The following ALKBH1 variants were observed in gnomAD, a reference collection of about 807,000 sequenced individuals.
ALKBH1 encodes nucleic acid dioxygenase ALKBH1.
A neutral mutation model predicts 36.6 loss-of-function variants in ALKBH1; 31 were observed. The ratio of observed to expected loss-of-function variants is 0.85; its 90% CI spans 0.64 to 1.14. The LOEUF (loss-of-function observed/expected upper bound fraction) is 1.14, where lower values mean the gene tolerates loss of function less well. Among genes scored for constraint, ALKBH1 ranks in the 50% most tolerant of loss-of-function variants. The pLI is 0.00. For synonymous variants in ALKBH1, 183 were observed against 186.6 expected, an observed-to-expected ratio of 0.98 and a Z score of 0.16; for missense variants, 490 against 497.3, an observed-to-expected ratio of 0.99 and a Z score of 0.14.
At chr14:77,689,841 T>C (rs914509757) in intron 3 of ALKBH1, among the ~76,000 whole-genome samples, 1 of 147,774 alleles carries the variant, frequency 6.8e-6, no homozygotes, top group African/African-American at 2.6e-5. Flanking sequence ...TATGTTGCAC[T>C]TAATTAAAAA....
chr14:77,694,634 A>C lies in ALKBH1; in HGVS notation c.455+104T>G, dbSNP rs199878382. The C allele has an allele frequency of 8.1e-5, 79 of 975,830 alleles. No homozygotes were observed. The African/African-American group carries it at 1.1e-3, about 14-fold the overall frequency. The allele number at this position is 975,830 out of a possible 1,614,324, so 60.4% of individuals were successfully genotyped here. A position where few individuals can be genotyped will look rare whatever the true frequency, so the allele number is the denominator to read the frequency against. On this transcript the variant is annotated intron_variant, in intron 3 of 5. Transcript: ENST00000216489. ...TTGGAAACAATGAAGGGAAAAAAAA[A>C]CCCAGCCAGTCACTTTTACTGCATT...
Position 77,707,873 on chromosome 14 carries a change from G to A in ALKBH1, c.132C>T (p.Ile44=). 6.2e-7 allele frequency: 1 copy of A among 1,613,228 alleles called. No homozygotes were observed. Among genetic ancestry groups the A allele is most frequent in the East Asian group, 2.2e-5 (1 of 44,872 alleles). ...GGGCTGCGTGGGCCGCCGAGAAGTC[G>A]ATGACCCCTTCCAGGTCTGCGGTCC... ...RPGTADLEGV[I]DFSAAHAARG... The change falls in exon 1 of 6, where the codon ATC becomes ATT. Residue 44 remains isoleucine, a synonymous_variant. Coordinates refer to ENST00000216489, the MANE Select transcript of ALKBH1 (RefSeq NM_006020.3).
chr14:77,704,039 C>A (rs766405480), intron 2 of ALKBH1, among the ~76,000 whole-genome samples: 3 of 152,170 alleles, frequency 2.0e-5, no homozygotes, highest in Non-Finnish European at 2.9e-5. Flanking sequence ...ACATTTATTA[C>A]AATGATAATG....
At chr14:77,684,661 C>T (rs908373158) in intron 3 of ALKBH1, among the ~76,000 whole-genome samples, 1 of 152,208 alleles carries the variant, frequency 6.6e-6, no homozygotes, top group African/African-American at 2.4e-5. Flanking sequence ...ATCCTCCCCA[C>T]CTCAGCCTCT....
intron 3 of ALKBH1, chr14:77,683,932 TA>T: frequency 6.5e-6 from 1 of 153,616 alleles, no homozygotes; most frequent in South Asian, 1.9e-4. Context: ...CTCCGTTTTC[TA>T]AAAGGCCTAG....
intron 3 of ALKBH1, among the ~76,000 whole-genome samples, 160 bp downstream of exon 3, chr14:77,694,578 T>C (rs1219782208): frequency 6.6e-6 from 1 of 152,142 alleles, no homozygotes; most frequent in African/African-American, 2.4e-5. Flanking sequence ...CAAATGTTCC[T>C]GGGGAAAGAA....
At chr14:77,675,151 G>A (rs61992912) in intron 5 of ALKBH1, among the ~76,000 whole-genome samples, 2 of 151,974 alleles carry the variant, frequency 1.3e-5, no homozygotes, top group Admixed American at 6.5e-5. Flanking sequence ...GGTAGGTTAC[G>A]GCCAGGTGCA....
rs867606267 is a variant in ALKBH1 at position 77,678,087 on chromosome 14, C to A, written c.546+1793G>T. Among the ~76,000 whole-genome samples, 365 of 55,106 alleles carry A rather than the reference C, an allele frequency of 6.6e-3. 7 individuals carry two copies. The highest frequency in any genetic ancestry group is 0.015 in the Middle Eastern group (1 of 66). The allele number at this position is 55,106 out of a possible 152,430, so 36.2% of individuals were successfully genotyped here. On this transcript the variant is annotated intron_variant, in intron 4 of 5. Coordinates refer to ENST00000216489, the MANE Select transcript of ALKBH1 (RefSeq NM_006020.3). ...ATATCAACAGTAAAAATATTATCACCAAAAAAAAAAAAAAAAAAAAAAGCT... is the reference window on the plus strand; with the variant it reads ...ATATCAACAGTAAAAATATTATCACAAAAAAAAAAAAAAAAAAAAAAAGCT...
chr14:77,680,981 C>T (rs907799867), intron 3 of ALKBH1, among the ~76,000 whole-genome samples: 2 of 152,144 alleles, frequency 1.3e-5, no homozygotes, highest in East Asian at 1.9e-4. Flanking sequence ...TGGCCCACTA[C>T]TCTTTTTCTA....
intron 2 of ALKBH1, chr14:77,696,850 T>C (rs2080330124): frequency 6.6e-6 from 1 of 152,606 alleles, no homozygotes. Context: ...CAGATAGAAA[T>C]GGTACTAAGA....
At chr14:77,677,045 C>CT (rs139045024) in intron 4 of ALKBH1, among the ~76,000 whole-genome samples, 12,386 of 146,734 alleles carry the variant, frequency 0.084, 556 homozygotes, top group Middle Eastern at 0.11. Context: ...CCATAATACT[C>CT]TTTTTTTTTT....
intron 2 of ALKBH1, among the ~76,000 whole-genome samples, chr14:77,703,593 CTTTT>C (rs200488919): frequency 8.9e-6 from 1 of 112,896 alleles, no homozygotes; most frequent in East Asian, 2.8e-4. Context: ...CTGCGTCCAG[CTTTT>C]TTTTTTTTTT....
intron 1 of ALKBH1, among the ~76,000 whole-genome samples, chr14:77,707,027 G>A (rs921631257): frequency 6.6e-6 from 1 of 152,156 alleles, no homozygotes. Context: ...TTGGTTCCCC[G>A]TTTTCCCTCT....
intron 2 of ALKBH1, among the ~76,000 whole-genome samples, chr14:77,702,251 A>C (rs2080363425): frequency 6.6e-6 from 1 of 152,310 alleles, no homozygotes; most frequent in South Asian, 2.1e-4. Context: ...CAGTGAGCGG[A>C]GATCACACCA....
chr14:77,704,303 T>C, intron 2 of ALKBH1, 66 bp downstream of exon 2: 1 of 1,170,676 alleles, frequency 8.5e-7, no homozygotes, highest in East Asian at 2.3e-5. Context: ...CACAGTACCT[T>C]CTTTGAAGAC....
chr14:77,690,785 T>A (rs1294243316), intron 3 of ALKBH1, among the ~76,000 whole-genome samples: 1 of 152,102 alleles, frequency 6.6e-6, no homozygotes, highest in African/African-American at 2.4e-5. Flanking sequence ...AATGTCACAA[T>A]GAAGATGTTT....
intron 3 of ALKBH1, among the ~76,000 whole-genome samples, chr14:77,688,387 C>T (rs1272261961): frequency 6.6e-6 from 1 of 151,886 alleles, no homozygotes; most frequent in East Asian, 1.9e-4. Flanking sequence ...TCCTGAGTAG[C>T]TAGGACTAGA....
chr14:77,675,695 C>T lies in ALKBH1; in HGVS notation c.701G>A (p.Arg234Lys), dbSNP rs755644168. 1.9e-6 allele frequency: 3 copies of T among 1,614,136 alleles called. No individual in the cohort carries two copies. Among genetic ancestry groups the T allele is most frequent in the African/African-American group, 2.7e-5 (2 of 75,038 alleles). ...LDSTLGIHVD[R>K]SELDHSKPLL... ...GGGTTTGGAGTGATCTAGCTCAGAT[C>T]TGTCTACGTGGATTCCCAGTGTGGA... Residue 234 changes from arginine (R) to lysine (K), a missense_variant, in exon 5 of 6, where the codon AGA becomes AAA. Arg to Lys is a conservative substitution (Grantham distance 26). Coordinates refer to ENST00000216489, the MANE Select transcript of ALKBH1 (RefSeq NM_006020.3).
intron 1 of ALKBH1, among the ~76,000 whole-genome samples, chr14:77,705,580 T>C (rs1037949157): frequency 4.6e-5 from 7 of 152,236 alleles, no homozygotes; most frequent in Non-Finnish European, 8.8e-5. Flanking sequence ...TCTGCTTCTG[T>C]TAATTACTTA....
Sources: allele counts gnomAD v4.1 joint callset (sites outside exome capture counted in the v4.1 genomes callset), GRCh38; gene constraint gnomAD v4.1.1; transcripts MANE v1.5; gene names NCBI Gene and HGNC (gene_info 2026-07-23, HGNC 2026-07-21).